The following RLF variants were observed in gnomAD, a reference collection of about 807,000 sequenced individuals.
The protein encoded by RLF is zinc finger protein Rlf.
In RLF, 7 loss-of-function variants were observed where a neutral mutation model predicts 162.9. The ratio of observed to expected loss-of-function variants is 0.04; its 90% CI spans 0.02 to 0.08. RLF has a LOEUF of 0.08. RLF is among the 10% of genes least tolerant of loss of function. The pLI is 1.00. For synonymous variants in RLF, 782 were observed against 791.5 expected, an observed-to-expected ratio of 0.99 and a Z score of 0.20; for missense variants, 1,664 against 2,244.7, an observed-to-expected ratio of 0.74 and a Z score of 5.23.
intron 5 of RLF, among the ~76,000 whole-genome samples, chr1:40,221,047 G>T (rs771609990): frequency 2.0e-5 from 3 of 151,242 alleles, no homozygotes; most frequent in East Asian, 1.9e-4. Flanking sequence ...CAGGAGGATC[G>T]CTTGAGCCCA....
intron 1 of RLF, among the ~76,000 whole-genome samples, chr1:40,168,301 T>G (rs1024424857): frequency 6.6e-6 from 1 of 152,130 alleles, no homozygotes; most frequent in African/African-American, 2.4e-5. Context: ...CAGGCTGGAG[T>G]GCAATGGTAA....
chr1:40,221,917 A>AAAAAAAAAAAAAAAAAAAG (rs1486982312), intron 5 of RLF, among the ~76,000 whole-genome samples: 3 of 150,376 alleles, frequency 2.0e-5, no homozygotes, highest in South Asian at 4.2e-4. Context: ...AAAAAAAAAA[A>AAAAAAAAAAAAAAAAAAAG]AGAGAAAGGA....
intron 3 of RLF, 48 bp downstream of exon 3, chr1:40,190,901 AT>A: frequency 8.7e-7 from 1 of 1,151,784 alleles, no homozygotes; most frequent in Non-Finnish European, 1.3e-6. Flanking sequence ...AAGACACCTA[AT>A]TAATTACTCC....
In RLF at chr1:40,238,749, A is replaced by G; in HGVS notation, c.4047A>G (p.Ala1349=). The G allele has an allele frequency of 6.2e-7, 1 of 1,613,822 alleles. No individual in the cohort carries two copies. The highest frequency in any genetic ancestry group is 8.5e-7 in the Non-Finnish European group (1 of 1,179,832). The change falls in exon 8 of 8, where the codon GCA becomes GCG. Residue 1349 remains alanine, a synonymous_variant. Coordinates refer to ENST00000372771, the MANE Select transcript of RLF (RefSeq NM_012421.4). The surrounding 1 kb of genome is among the most constrained non-coding windows in gnomAD (Gnocchi z 5.2). ...KEQLCLEKDK[A]RTKRELVKCK... ...AGTTATGTTTGGAGAAAGACAAAGCAAGAACCAAAAGGGAACTTGTCAAAT... is the reference window on the plus strand; with the variant it reads ...AGTTATGTTTGGAGAAAGACAAAGCGAGAACCAAAAGGGAACTTGTCAAAT...
At chr1:40,194,246 A>G (rs1642599061) in intron 3 of RLF, among the ~76,000 whole-genome samples, 1 of 152,212 alleles carries the variant, frequency 6.6e-6, no homozygotes, top group Non-Finnish European at 1.5e-5. Flanking sequence ...TTATATAATG[A>G]TTTGTGTCAC....
chr1:40,207,657 C>T (rs919781122), intron 5 of RLF, among the ~76,000 whole-genome samples: 2 of 152,156 alleles, frequency 1.3e-5, no homozygotes, highest in African/African-American at 4.8e-5. Flanking sequence ...GTCGCCCAGC[C>T]TGGAGTGCAG....
At chr1:40,218,521 T>TA (rs1191139109) in intron 5 of RLF, among the ~76,000 whole-genome samples, 3 of 152,246 alleles carry the variant, frequency 2.0e-5, no homozygotes, top group Non-Finnish European at 4.4e-5. Flanking sequence ...GCATTGCCGT[T>TA]ACATCAGATA....
At chr1:40,230,971 T>A (rs980414541) in intron 6 of RLF, among the ~76,000 whole-genome samples, 7 of 152,226 alleles carry the variant, frequency 4.6e-5, no homozygotes, top group Admixed American at 3.9e-4. Flanking sequence ...ATTTTAGCCA[T>A]TTCCAAAAAG....
At chr1:40,220,801 G>T (rs1357766409) in intron 5 of RLF, among the ~76,000 whole-genome samples, 2 of 151,996 alleles carry the variant, frequency 1.3e-5, no homozygotes, top group African/African-American at 4.8e-5. Flanking sequence ...TTATAGTCTA[G>T]CTGGAGAGCC....
At chr1:40,235,762 A>T in intron 7 of RLF, 30 bp from the exon 8 acceptor site, 1 of 1,460,842 alleles carries the variant, frequency 6.8e-7, no homozygotes, top group Non-Finnish European at 9.1e-7. Context: ...TATGCAAAAA[A>T]ATAATTTTTT....
At chr1:40,224,605 T>C (rs1570557904) in intron 6 of RLF, among the ~76,000 whole-genome samples, 2 of 128,410 alleles carry the variant, frequency 1.6e-5, no homozygotes, top group African/African-American at 2.8e-5. Flanking sequence ...TTTTTTCCCC[T>C]TCCATTGTTT....
intron 6 of RLF, among the ~76,000 whole-genome samples, chr1:40,226,431 T>G (rs1643076384): frequency 1.3e-5 from 2 of 152,240 alleles, no homozygotes; most frequent in Non-Finnish European, 2.9e-5. Context: ...CAGTGAGTAT[T>G]TGATAGACTG....
intron 1 of RLF, among the ~76,000 whole-genome samples, chr1:40,186,622 T>C (rs2124533898): frequency 6.6e-6 from 1 of 152,322 alleles, no homozygotes; most frequent in Non-Finnish European, 1.5e-5. Flanking sequence ...ATACTTTAGT[T>C]AGCAGTTGGT....
chr1:40,184,730 C>T (rs1237299365), intron 1 of RLF, among the ~76,000 whole-genome samples: 1 of 152,096 alleles, frequency 6.6e-6, no homozygotes, highest in Non-Finnish European at 1.5e-5. Context: ...TATCTGACCC[C>T]TTAGTATATA....
chr1:40,191,797 C>T (rs12046708), intron 3 of RLF, among the ~76,000 whole-genome samples: 1 of 152,176 alleles, frequency 6.6e-6, no homozygotes, highest in Non-Finnish European at 1.5e-5. Flanking sequence ...CTGCTTTACA[C>T]TACATTTTAC....
chr1:40,190,916 C>A, intron 3 of RLF, 63 bp downstream of exon 3: 2 of 991,048 alleles, frequency 2.0e-6, no homozygotes, highest in Non-Finnish European at 3.0e-6. Flanking sequence ...TTACTCCCAG[C>A]AAACTAAAAT....
chr1:40,228,358 C>T (rs1441835169), intron 6 of RLF, among the ~76,000 whole-genome samples: 1 of 146,304 alleles, frequency 6.8e-6, no homozygotes, highest in Non-Finnish European at 1.5e-5. Flanking sequence ...GCAAGGTGGG[C>T]GGATCACCTA....
At chr1:40,212,677 C>T (rs906473071) in intron 5 of RLF, among the ~76,000 whole-genome samples, 2 of 152,120 alleles carry the variant, frequency 1.3e-5, no homozygotes, top group African/African-American at 2.4e-5. Flanking sequence ...ACTACATCTT[C>T]GGTATCTGAC....
At chr1:40,176,485 C>T (rs1200223317) in intron 1 of RLF, among the ~76,000 whole-genome samples, 1 of 152,288 alleles carries the variant, frequency 6.6e-6, no homozygotes, top group South Asian at 2.1e-4. Context: ...TACTCTGTCA[C>T]CCAGGCTGCA....
Sources: allele counts gnomAD v4.1 joint callset (sites outside exome capture counted in the v4.1 genomes callset), GRCh38; gene constraint gnomAD v4.1.1; non-coding constraint Gnocchi (gnomAD v3.1); transcripts MANE v1.5; gene names NCBI Gene and HGNC (gene_info 2026-07-23, HGNC 2026-07-21).